The following DENND5B variants were observed in gnomAD, a reference collection of about 807,000 sequenced individuals.
DENND5B encodes DENN domain-containing protein 5B.
DENND5B carries 34 observed loss-of-function variants against 140.6 expected under a neutral mutation model. That is an observed-to-expected ratio of 0.24 (90% confidence interval 0.18 to 0.32). DENND5B has a LOEUF of 0.32. Among genes scored for constraint, DENND5B ranks in the 10% least tolerant of loss-of-function variants. The pLI is 1.00. For missense variants in DENND5B, 1,142 were observed against 1,560.2 expected (o/e 0.73, Z 4.52); for synonymous variants, 551 against 562.1 (o/e 0.98, Z 0.28).
chr12:31,532,350 G>T (rs1457752675), intron 1 of DENND5B, among the ~76,000 whole-genome samples: 1 of 152,154 alleles, frequency 6.6e-6, no homozygotes, highest in Non-Finnish European at 1.5e-5. Context: ...CAGGAAGAGA[G>T]GGGAGGTTTA....
At chr12:31,568,550 G>A (rs1949709347) in intron 1 of DENND5B, among the ~76,000 whole-genome samples, 2 of 152,156 alleles carry the variant, frequency 1.3e-5, no homozygotes, top group African/African-American at 2.4e-5. Context: ...TTTCCTGACA[G>A]GAGTGAAGGC....
chr12:31,493,471 A>T (rs981490435), intron 2 of DENND5B, among the ~76,000 whole-genome samples: 1 of 152,204 alleles, frequency 6.6e-6, no homozygotes, highest in Admixed American at 6.5e-5. Context: ...AGGCGGGTGG[A>T]TCACTAGAGG....
chr12:31,444,389 AC>A (rs1259573137), intron 6 of DENND5B, among the ~76,000 whole-genome samples: 6 of 151,858 alleles, frequency 4.0e-5, no homozygotes, highest in Non-Finnish European at 7.4e-5. Flanking sequence ...GATTACAGGC[AC>A]CCGCCACCAT....
At chr12:31,480,654 T>C (rs1946034422) in intron 2 of DENND5B, among the ~76,000 whole-genome samples, 1 of 152,168 alleles carries the variant, frequency 6.6e-6, no homozygotes, top group African/African-American at 2.4e-5. Context: ...GGCAAAAGCA[T>C]TTCACAAATA....
chr12:31,387,730 C>T lies in DENND5B; in HGVS notation c.3698G>A (p.Arg1233Gln), dbSNP rs772515330. The change falls in exon 21 of 21, where the codon CGA becomes CAA. Residue 1233 changes from arginine to glutamine, a missense_variant. Arg to Gln is a conservative substitution (Grantham distance 43). This residue lies in a region of DENND5B where 125 missense variants were observed against 179.0 expected (regional missense o/e 0.70). Coordinates refer to ENST00000389082, the MANE Select transcript of DENND5B (RefSeq NM_144973.4). ...CAGGAGAGCGCTCTCTTCATACATTCGAGTGATGGCAGGACACTCAGCTAA... is the reference window on the plus strand; with the variant it reads ...CAGGAGAGCGCTCTCTTCATACATTTGAGTGATGGCAGGACACTCAGCTAA... ...PLLAECPAIT[R>Q]MYEESALLRD... is the part of the protein sequence containing the mutation. 38 of 1,613,876 alleles carry T rather than the reference C, an allele frequency of 2.4e-5. No individual in the cohort carries two copies. Among genetic ancestry groups the T allele is most frequent in the Middle Eastern group, 1.6e-4 (1 of 6,068 alleles).
chr12:31,561,279 A>G (rs1206867883), intron 1 of DENND5B, among the ~76,000 whole-genome samples: 3 of 152,360 alleles, frequency 2.0e-5, no homozygotes, highest in Admixed American at 6.5e-5. Context: ...AAAGAGAAAC[A>G]GCAAGAAAAT....
At position 31,383,306 on chromosome 12, in the gene DENND5B, T is replaced by C. The variant is rs1029271368; in HGVS notation, c.*4297A>G. 4 of 152,216 alleles carry C rather than the reference T, an allele frequency of 2.6e-5. No homozygotes were observed. Among genetic ancestry groups the C allele is most frequent in the Non-Finnish European group, 5.9e-5 (4 of 68,040 alleles). 9.4% of individuals were successfully genotyped at this position (152,216 alleles called of 1,614,324 possible). ...TTTGAGGTCCTTGTCTGTCACCTCA[T>C]GTTTCAAAATACCTTAGGGATGTCA... On this transcript the variant is annotated 3_prime_UTR_variant, in exon 21 of 21. Transcript: ENST00000389082.
intron 1 of DENND5B, among the ~76,000 whole-genome samples, chr12:31,587,909 T>C (rs892933852): frequency 5.9e-5 from 9 of 152,142 alleles, no homozygotes; most frequent in South Asian, 4.1e-4. Flanking sequence ...TGCCCTGATA[T>C]AGTCTACCCA....
intron 3 of DENND5B, among the ~76,000 whole-genome samples, chr12:31,476,020 G>A (rs1343886708): frequency 2.0e-5 from 3 of 152,220 alleles, no homozygotes; most frequent in South Asian, 2.1e-4. Flanking sequence ...CAGGGACTTG[G>A]GAGGCTGAGG....
At chr12:31,550,766 G>A (rs1565686672) in intron 1 of DENND5B, among the ~76,000 whole-genome samples, 1 of 152,156 alleles carries the variant, frequency 6.6e-6, no homozygotes, top group East Asian at 1.9e-4. Flanking sequence ...TCCAACTGGT[G>A]TGAGATGGTA....
chr12:31,490,994 G>C (rs1231354969), intron 2 of DENND5B, among the ~76,000 whole-genome samples: 1 of 152,116 alleles, frequency 6.6e-6, no homozygotes, highest in Non-Finnish European at 1.5e-5. Flanking sequence ...TTTTCATACA[G>C]TTTGCTTAAA....
chr12:31,436,246 T>C (rs1943750184), intron 7 of DENND5B, among the ~76,000 whole-genome samples: 1 of 151,744 alleles, frequency 6.6e-6, no homozygotes, highest in South Asian at 2.1e-4. Flanking sequence ...ACTACAGGTA[T>C]GTGCCACCAA....
chr12:31,577,148 T>C (rs1393543208), intron 1 of DENND5B, among the ~76,000 whole-genome samples: 1 of 152,182 alleles, frequency 6.6e-6, no homozygotes, highest in Non-Finnish European at 1.5e-5. Flanking sequence ...GGAATTAAGA[T>C]GATCAGAAAT....
intron 6 of DENND5B, among the ~76,000 whole-genome samples, chr12:31,445,532 T>A (rs1339114770): frequency 6.6e-6 from 1 of 152,038 alleles, no homozygotes. Flanking sequence ...CGTGAATCCC[T>A]GTCTCTACCA....
intron 2 of DENND5B, among the ~76,000 whole-genome samples, chr12:31,490,271 T>C (rs764921605): frequency 3.3e-5 from 5 of 152,042 alleles, no homozygotes; most frequent in Admixed American, 6.6e-5. Context: ...CAAAAGGGTC[T>C]TCCAGCAATG....
chr12:31,397,819 A>G (rs1208326695), intron 17 of DENND5B, among the ~76,000 whole-genome samples: 2 of 150,888 alleles, frequency 1.3e-5, no homozygotes, highest in African/African-American at 4.9e-5. Flanking sequence ...AGCTACTTGG[A>G]AAGCTGAGGT....
intron 4 of DENND5B, among the ~76,000 whole-genome samples, chr12:31,458,187 T>C (rs1437556176): frequency 6.6e-6 from 1 of 152,178 alleles, no homozygotes; most frequent in African/African-American, 2.4e-5. Context: ...CTTTAGTGGA[T>C]ACAAACAGGC....
rs1950445011 is a variant in DENND5B at position 31,587,635 on chromosome 12, C to G, written c.127+3071G>C. 2.9e-5 allele frequency among the ~76,000 whole-genome samples: 4 copies of G among 137,432 alleles called. No individual in the cohort carries two copies. In the South Asian group the frequency reaches 9.8e-4, roughly 34 times the overall value. 90.2% of individuals were successfully genotyped at this position (137,432 alleles called of 152,430 possible). A position where few individuals can be genotyped will look rare whatever the true frequency, so the allele number is the denominator to read the frequency against. On this transcript the variant is annotated intron_variant, in intron 1 of 20. Coordinates refer to ENST00000389082, the MANE Select transcript of DENND5B (RefSeq NM_144973.4). ...CGATCTCAGCTCACTGCAACCTCCA[C>G]CTCCTGGGTTCAAGCGATTCTCCTG...
intron 1 of DENND5B, among the ~76,000 whole-genome samples, chr12:31,585,327 A>G (rs1485887661): frequency 6.6e-6 from 1 of 152,174 alleles, no homozygotes; most frequent in Non-Finnish European, 1.5e-5. Context: ...CCAAGAACCT[A>G]TTGTGAGCCA....
Sources: allele counts gnomAD v4.1 joint callset (sites outside exome capture counted in the v4.1 genomes callset), GRCh38; gene constraint gnomAD v4.1.1; regional missense constraint gnomAD v4.1.1; transcripts MANE v1.5; gene names NCBI Gene and HGNC (gene_info 2026-07-23, HGNC 2026-07-21).